PABPC1: variants seen among roughly 807,000 people sequenced by gnomAD.
The protein encoded by PABPC1 is polyadenylate-binding protein 1.
PABPC1 carries 4 observed loss-of-function variants against 74.0 expected under a neutral mutation model. That is an observed-to-expected ratio of 0.05 (90% CI 0.03 to 0.12). The LOEUF (loss-of-function observed/expected upper bound fraction) is 0.12, where lower values mean the gene tolerates loss of function less well. Among genes scored for constraint, PABPC1 ranks in the 10% least tolerant of loss-of-function variants. The pLI, the probability that PABPC1 is intolerant of heterozygous loss-of-function variation, is 1.00. For missense variants in PABPC1, 271 were observed against 821.1 expected (o/e 0.33, Z 8.19); for synonymous variants, 227 against 264.1 (o/e 0.86, Z 1.36).
At chr8:100,707,203 T>A in intron 9 of PABPC1, 1 of 455,974 alleles carries the variant, frequency 2.2e-6, no homozygotes, top group Middle Eastern at 5.6e-4. Context: ...AGTACTTATA[T>A]GTAGCGACCA....
At chr8:100,710,213 G>A (rs1010138228) in intron 7 of PABPC1, among the ~76,000 whole-genome samples, 7 of 152,136 alleles carry the variant, frequency 4.6e-5, no homozygotes, top group African/African-American at 1.7e-4. Context: ...TTACATTCAA[G>A]AGCAGAGGAT....
chr8:100,715,399 TA>T, intron 4 of PABPC1, 62 bp downstream of exon 4: 1 of 1,402,546 alleles, frequency 7.1e-7, no homozygotes, highest in Non-Finnish European at 9.6e-7. Context: ...AAGTAATAGC[TA>T]AAATTAACAC....
intron 11 of PABPC1, among the ~76,000 whole-genome samples, chr8:100,706,255 T>C (rs1054254379): frequency 8.5e-5 from 13 of 152,264 alleles, no homozygotes; most frequent in Non-Finnish European, 5.9e-5. Flanking sequence ...CATACTATCA[T>C]ATTAGCAGAA....
rs998953557 is a variant in PABPC1 at position 100,722,006 on chromosome 8, TTGGATTTTTTA to T, written c.-434_-424del. The T allele has an allele frequency of 6.4e-6, 1 of 156,678 alleles. No homozygotes were observed. The highest frequency in any genetic ancestry group is 1.4e-5 in the Non-Finnish European group (1 of 71,836). 9.7% of individuals were successfully genotyped at this position (156,678 alleles called of 1,614,324 possible). ...TTTAAAAGATTTTTTTAGATTTTTT[TTGGATTTTTTA>T]ATAATAAATGTGTGTTCCGAGCCCG... On this transcript the variant is annotated 5_prime_UTR_variant, in exon 1 of 15. Coordinates refer to ENST00000318607, the MANE Select transcript of PABPC1 (RefSeq NM_002568.4).
At chr8:100,704,084 G>C (rs1398951394) in intron 14 of PABPC1, 2 of 370,068 alleles carry the variant, frequency 5.4e-6, no homozygotes, top group Non-Finnish European at 9.8e-6. Context: ...AACACCACCT[G>C]AAAGTCCTGG....
chr8:100,705,030 C>T lies in PABPC1; in HGVS notation c.1714G>A (p.Ala572Thr). The T allele has an allele frequency of 6.2e-7, 1 of 1,613,904 alleles. No individual in the cohort carries two copies. The highest frequency in any genetic ancestry group is 8.5e-7 in the Non-Finnish European group (1 of 1,179,940). Residue 572 changes from alanine to threonine, a missense_variant, in exon 13 of 15, where the codon GCC becomes ACC. By Grantham distance (58) the Ala-to-Thr change is moderately conservative (BLOSUM62 0). Coordinates refer to ENST00000318607, the MANE Select transcript of PABPC1 (RefSeq NM_002568.4). ...TTACCAGCAAGAGTAGGGTGCATGG[C>T]TTGAATAAGAGGAAACAGCCGTTCA... Reference protein sequence around the residue: ...LGERLFPLIQAMHPTLAGKIT... With the variant: ...LGERLFPLIQTMHPTLAGKIT...
Position 100,709,543 on chromosome 8 carries a change from T to C in PABPC1, c.1161A>G (p.Ala387=). The part of the protein sequence containing the change: ...HLTNQYMQRM[A]SVRAVPNPVI... ...CAGGGTTGGGAACAGCTCGTACACT[T>C]GCCATTCTCTGCATATACTGGTTAG... Residue 387 remains alanine (A), a synonymous_variant, in exon 8 of 15, where the codon GCA becomes GCG. Coordinates refer to ENST00000318607, the MANE Select transcript of PABPC1 (RefSeq NM_002568.4). 6.2e-7 allele frequency: 1 copy of C among 1,614,252 alleles called. No homozygotes were observed.
intron 11 of PABPC1, among the ~76,000 whole-genome samples, chr8:100,705,957 C>T (rs1810368617): frequency 6.6e-6 from 1 of 152,244 alleles, no homozygotes; most frequent in Non-Finnish European, 1.5e-5. Flanking sequence ...AAGCAACTTT[C>T]CTGCCTCAGC....
rs771758438 is a variant in PABPC1, at chr8:100,704,920, A to C, written c.1818+6T>G. ...AGAGGCAACTTGGTAAATAAATTTA[A>C]ATCACCTTAGAACGGAGTGACTCTG... On this transcript the variant is annotated splice_donor_region_variant and intron_variant, in intron 13 of 14. Coordinates refer to ENST00000318607, the MANE Select transcript of PABPC1 (RefSeq NM_002568.4). 2 of 1,610,990 alleles carry C rather than the reference A, an allele frequency of 1.2e-6. No individual in the cohort carries two copies. The highest frequency in any genetic ancestry group is 2.2e-5 in the South Asian group (2 of 90,622).
chr8:100,704,865 C>A, intron 13 of PABPC1, 61 bp downstream of exon 13: 1 of 1,538,150 alleles, frequency 6.5e-7, no homozygotes, highest in South Asian at 1.1e-5. Context: ...ACAATTAAGT[C>A]CCCATAAAAA....
At chr8:100,710,671 C>T (rs542117918) in intron 7 of PABPC1, among the ~76,000 whole-genome samples, 2 of 152,270 alleles carry the variant, frequency 1.3e-5, no homozygotes, top group East Asian at 1.9e-4. Context: ...GTGGAAAATT[C>T]GAAGAAAATA....
In PABPC1 at chr8:100,721,864, G is replaced by GCGGGCGGGCGGGTCGGTCT. The variant is rs1810843416; in HGVS notation, c.-300_-282dup. ...TCCTTCTTGGAGCTGCTGCGGGGCC[G>GCGGGCGGGCGGGTCGGTCT]CGGGCGGGCGGGTCGGTCTCGGCTG... is the stretch of plus-strand genomic sequence containing the variant. On this transcript the variant is annotated 5_prime_UTR_variant, in exon 1 of 15. Coordinates refer to ENST00000318607, the MANE Select transcript of PABPC1 (RefSeq NM_002568.4). This position sits in a 1 kb window ranked among gnomAD's most constrained non-coding sequence, Gnocchi z 7.4. The GCGGGCGGGCGGGTCGGTCT allele has an allele frequency of 2.9e-6, 1 of 338,992 alleles. No individual in the cohort carries two copies. The highest frequency in any genetic ancestry group is 2.1e-5 in the African/African-American group (1 of 47,362). The allele number at this position is 338,992 out of a possible 1,614,324, so 21.0% of individuals were successfully genotyped here.
At chr8:100,712,631 G>T in intron 6 of PABPC1, 21 bp downstream of exon 6, 1 of 1,592,924 alleles carries the variant, frequency 6.3e-7, no homozygotes, top group Non-Finnish European at 8.5e-7. Flanking sequence ...TCTTATTTTG[G>T]TTGTTCAATT....
Position 100,712,474 on chromosome 8 carries a change from A to G in PABPC1, c.877-17T>C, listed in dbSNP as rs1374563897. Reference sequence around the variant, plus strand: ...ATTAACACCCTAAAAAGAAGAAAAGAAAACTATAGAAAAAGAAAACCATGG... The same window carrying G: ...ATTAACACCCTAAAAAGAAGAAAAGGAAACTATAGAAAAAGAAAACCATGG... On this transcript the variant is annotated splice_polypyrimidine_tract_variant and intron_variant, in intron 6 of 14. Transcript: ENST00000318607. The G allele has an allele frequency of 7.0e-7, 1 of 1,438,576 alleles. No individual in the cohort carries two copies. The highest frequency in any genetic ancestry group is 1.4e-5 in the African/African-American group (1 of 69,716). The allele number at this position is 1,438,576 out of a possible 1,614,324, so 89.1% of individuals were successfully genotyped here.
At chr8:100,710,034 C>A (rs767649513) in intron 7 of PABPC1, among the ~76,000 whole-genome samples, 1 of 152,168 alleles carries the variant, frequency 6.6e-6, no homozygotes, top group Non-Finnish European at 1.5e-5. Context: ...ATTTAATTAT[C>A]TAAATAAATA....
At chr8:100,716,655 G>A (rs1810678264) in intron 3 of PABPC1, among the ~76,000 whole-genome samples, 1 of 152,210 alleles carries the variant, frequency 6.6e-6, no homozygotes, top group African/African-American at 2.4e-5. Flanking sequence ...GTATTTCATT[G>A]TGACCATCAC....
At chr8:100,707,902 C>G (rs1587148686) in intron 9 of PABPC1, among the ~76,000 whole-genome samples, 1 of 152,356 alleles carries the variant, frequency 6.6e-6, no homozygotes, top group Middle Eastern at 3.4e-3. Flanking sequence ...GACCAAGGAG[C>G]CCTTTGGTGG....
rs950443809 is a variant in PABPC1, at chr8:100,712,550, A to G, written c.877-93T>C. The stretch of plus-strand genomic sequence containing the variant: ...TATTTTACCCCATATTTCTTCTCCT[A>G]TTCCCCTCTCAAACCCTCCAGCTAC... On this transcript the variant is annotated intron_variant, in intron 6 of 14. Transcript: ENST00000318607. The G allele has an allele frequency of 4.1e-6, 6 of 1,466,510 alleles. No individual in the cohort carries two copies. In the African/African-American group the frequency reaches 7.1e-5, roughly 17 times the overall value. 90.8% of individuals were successfully genotyped at this position (1,466,510 alleles called of 1,614,324 possible).
chr8:100,715,335 C>A, intron 4 of PABPC1, 127 bp downstream of exon 4: 1 of 780,806 alleles, frequency 1.3e-6, no homozygotes, highest in Non-Finnish European at 2.0e-6. Context: ...TTCAAATAAC[C>A]ACAAATATTT....
Sources: gnomAD v4.1 joint callset for allele counts (sites outside exome capture counted in the v4.1 genomes callset) on GRCh38, gnomAD v4.1.1 for gene constraint, Gnocchi (gnomAD v3.1) non-coding constraint, MANE v1.5 for transcripts, NCBI Gene and HGNC (gene_info 2026-07-23, HGNC 2026-07-21) for gene names.